Variants in MITF observed in about 807,000 individuals in gnomAD.
MITF encodes microphthalmia-associated transcription factor.
A neutral mutation model predicts 60.5 loss-of-function variants in MITF; 17 were observed. The observed-to-expected ratio is 0.28, with a 90% CI of 0.19 to 0.42. MITF has a LOEUF of 0.42. MITF is among the 10% of genes least tolerant of loss of function. The pLI is 1.00. For synonymous variants in MITF, 260 were observed against 248.5 expected, an observed-to-expected ratio of 1.05 and a Z score of -0.43; for missense variants, 622 against 683.5, an observed-to-expected ratio of 0.91 and a Z score of 1.00.
chr3:69,760,777 G>A (rs958164041), intron 1 of MITF, among the ~76,000 whole-genome samples: 1 of 152,146 alleles, frequency 6.6e-6, no homozygotes, highest in African/African-American at 2.4e-5. Context: ...TCTGGTGTAG[G>A]CAGTTTTTGA....
At chr3:69,942,390 C>G (rs1262053149) in intron 5 of MITF, among the ~76,000 whole-genome samples, 1 of 151,976 alleles carries the variant, frequency 6.6e-6, no homozygotes, top group South Asian at 2.1e-4. Flanking sequence ...ATTCCCTTGG[C>G]CAAAGGACAA....
At chr3:69,758,735 T>C (rs2062167656) in intron 1 of MITF, 1 of 206,546 alleles carries the variant, frequency 4.8e-6, no homozygotes, top group East Asian at 7.4e-5. Context: ...ATGGCTGAAG[T>C]GTTTCTGGTG....
chr3:69,890,585 A>G (rs1157282832), intron 2 of MITF, among the ~76,000 whole-genome samples: 2 of 152,030 alleles, frequency 1.3e-5, no homozygotes, highest in Non-Finnish European at 2.9e-5. Context: ...GTGGGGTTTT[A>G]TGTATGATTT....
chr3:69,886,200 G>GT (rs1187725427), intron 2 of MITF, among the ~76,000 whole-genome samples: 2 of 152,070 alleles, frequency 1.3e-5, no homozygotes, highest in African/African-American at 4.8e-5. Flanking sequence ...TGTAGCAAAT[G>GT]TTTACTACAG....
intron 2 of MITF, among the ~76,000 whole-genome samples, chr3:69,923,230 C>G (rs1314776199): frequency 6.6e-6 from 1 of 152,126 alleles, no homozygotes. Flanking sequence ...TTTCCTCATG[C>G]TGAAAATGGG....
At chr3:69,821,690 T>TATA (rs2063275582) in intron 1 of MITF, among the ~76,000 whole-genome samples, 1 of 113,254 alleles carries the variant, frequency 8.8e-6, no homozygotes, top group Non-Finnish European at 1.8e-5. Context: ...AAAAAAAAAC[T>TATA]AAAAAAAAAA....
At chr3:69,859,885 A>T (rs1165799001) in intron 1 of MITF, among the ~76,000 whole-genome samples, 1 of 152,184 alleles carries the variant, frequency 6.6e-6, no homozygotes, top group African/African-American at 2.4e-5. Context: ...TCAGGTGCTG[A>T]TGTGGAGATT....
intron 2 of MITF, among the ~76,000 whole-genome samples, chr3:69,900,424 T>C (rs1465966282): frequency 6.6e-6 from 1 of 152,230 alleles, no homozygotes; most frequent in Non-Finnish European, 1.5e-5. Flanking sequence ...TTGCATAACA[T>C]GTGTGGTACA....
At chr3:69,816,910 TGAA>T (rs2063190972) in intron 1 of MITF, among the ~76,000 whole-genome samples, 1 of 152,126 alleles carries the variant, frequency 6.6e-6, no homozygotes, top group Non-Finnish European at 1.5e-5. Flanking sequence ...TGTTACAAAG[TGAA>T]AGTGCTGCAA....
chr3:69,888,789 GC>G (rs2064685422), intron 2 of MITF, among the ~76,000 whole-genome samples: 1 of 151,898 alleles, frequency 6.6e-6, no homozygotes, highest in African/African-American at 2.4e-5. Flanking sequence ...GCCATCTATG[GC>G]CCCCCTATTA....
chr3:69,902,521 G>C (rs990664951), intron 2 of MITF, among the ~76,000 whole-genome samples: 8 of 152,118 alleles, frequency 5.3e-5, no homozygotes, highest in Non-Finnish European at 1.0e-4. Context: ...GCTGTCCAGT[G>C]GGTTTGCATG....
intron 1 of MITF, among the ~76,000 whole-genome samples, chr3:69,859,490 A>G (rs1367291321): frequency 2.0e-5 from 3 of 152,168 alleles, no homozygotes; most frequent in Non-Finnish European, 4.4e-5. Flanking sequence ...TAGATGGTCC[A>G]TGGAACTGCT....
chr3:69,945,637 G>A (rs1292906891), intron 5 of MITF, among the ~76,000 whole-genome samples: 2 of 152,150 alleles, frequency 1.3e-5, no homozygotes, highest in Admixed American at 1.3e-4. Flanking sequence ...TTGATAGAAA[G>A]AACATACACC....
intron 1 of MITF, among the ~76,000 whole-genome samples, chr3:69,742,076 A>G (rs1260945667): frequency 6.6e-6 from 1 of 152,186 alleles, no homozygotes; most frequent in African/African-American, 2.4e-5. Flanking sequence ...ACTTTGGTCC[A>G]AGCCACCATC....
chr3:69,964,086 C>T (rs969317323), intron 9 of MITF, among the ~76,000 whole-genome samples: 10 of 145,890 alleles, frequency 6.9e-5, no homozygotes, highest in African/African-American at 2.6e-4. Flanking sequence ...AAACGATTCT[C>T]CTGCCTCAGC....
intron 2 of MITF, among the ~76,000 whole-genome samples, chr3:69,913,245 G>A (rs1002397836): frequency 5.3e-5 from 8 of 151,936 alleles, no homozygotes; most frequent in Non-Finnish European, 4.4e-5. Flanking sequence ...GAGAGAGTAG[G>A]GAGTGGGGGC....
At chr3:69,763,415 T>C (rs2062240113) in intron 1 of MITF, 3 of 585,668 alleles carry the variant, frequency 5.1e-6, no homozygotes, top group Non-Finnish European at 6.8e-6. Context: ...GTAAAGTCTA[T>C]TTTACCTTTT....
At chr3:69,874,476 G>T (rs1372269170) in intron 1 of MITF, among the ~76,000 whole-genome samples, 1 of 152,174 alleles carries the variant, frequency 6.6e-6, no homozygotes, top group Non-Finnish European at 1.5e-5. Context: ...CAGTCATTGT[G>T]CTAAGTTTTT....
intron 1 of MITF, among the ~76,000 whole-genome samples, chr3:69,851,282 A>T (rs1310346495): frequency 6.6e-6 from 1 of 152,172 alleles, no homozygotes; most frequent in Admixed American, 6.5e-5. Context: ...TAAAGTATGT[A>T]CCATTTCTTT....
Sources: allele counts gnomAD v4.1 joint callset (sites outside exome capture counted in the v4.1 genomes callset), GRCh38; gene constraint gnomAD v4.1.1; transcripts MANE v1.5; gene names NCBI Gene and HGNC (gene_info 2026-07-23, HGNC 2026-07-21).